Variants in TRABD2B observed in about 807,000 individuals in gnomAD.
TRABD2B encodes metalloprotease TIKI2.
A neutral mutation model predicts 40.1 loss-of-function variants in TRABD2B; 14 were observed. That is an observed-to-expected ratio of 0.35 (90% CI 0.23 to 0.55). TRABD2B has a LOEUF of 0.55. Among genes scored for constraint, TRABD2B ranks in the 20% least tolerant of loss-of-function variants. The probability of loss-of-function intolerance (pLI) is 0.90; values close to 1 mark genes in which losing one functional copy is unlikely to be tolerated. For synonymous variants in TRABD2B, 263 were observed against 277.0 expected (o/e 0.95, Z 0.50); for missense variants, 541 against 648.6 (o/e 0.83, Z 1.80).
At chr1:47,870,604 G>A (rs1041227854) in intron 2 of TRABD2B, among the ~76,000 whole-genome samples, 2 of 152,186 alleles carry the variant, frequency 1.3e-5, no homozygotes, top group African/African-American at 4.8e-5. Context: ...AAGGAAACAT[G>A]CATTGCCCAC....
intron 2 of TRABD2B, among the ~76,000 whole-genome samples, chr1:47,958,508 G>T (rs1414090784): frequency 7.7e-6 from 1 of 130,000 alleles, no homozygotes; most frequent in Non-Finnish European, 1.7e-5. Flanking sequence ...TAAAGGGATG[G>T]ATGAAGATCT....
intron 2 of TRABD2B, among the ~76,000 whole-genome samples, chr1:47,890,964 C>T (rs1570225329): frequency 6.6e-6 from 1 of 152,292 alleles, no homozygotes; most frequent in East Asian, 1.9e-4. Flanking sequence ...TGCACAACAG[C>T]ACTCGCTGGA....
intron 2 of TRABD2B, among the ~76,000 whole-genome samples, chr1:47,868,838 T>G (rs1049819761): frequency 1.3e-5 from 2 of 152,192 alleles, no homozygotes; most frequent in South Asian, 4.1e-4. Flanking sequence ...AATTTTGAAC[T>G]GTAGACTTCA....
At chr1:47,802,232 G>A (rs929028179) in intron 2 of TRABD2B, among the ~76,000 whole-genome samples, 5 of 152,034 alleles carry the variant, frequency 3.3e-5, no homozygotes, top group Non-Finnish European at 5.9e-5. Context: ...GGATCACTGT[G>A]GGCATCAGGA....
chr1:47,847,099 T>C (rs1454208818), intron 2 of TRABD2B, among the ~76,000 whole-genome samples: 1 of 152,164 alleles, frequency 6.6e-6, no homozygotes, highest in African/African-American at 2.4e-5. Context: ...GGAGAAAGAA[T>C]AAGGGCTTTT....
intron 2 of TRABD2B, among the ~76,000 whole-genome samples, chr1:47,837,766 G>A (rs529751201): frequency 1.1e-3 from 175 of 152,234 alleles, no homozygotes; most frequent in African/African-American, 3.9e-3. Context: ...AAATAAGCAC[G>A]AAAAAAGGAA....
At chr1:47,832,533 A>G (rs2124455373) in intron 2 of TRABD2B, among the ~76,000 whole-genome samples, 1 of 152,276 alleles carries the variant, frequency 6.6e-6, no homozygotes, top group East Asian at 1.9e-4. Context: ...ATAGGTACCA[A>G]AGCATTTACA....
chr1:47,905,658 C>A (rs574687113), intron 2 of TRABD2B, among the ~76,000 whole-genome samples: 7 of 152,342 alleles, frequency 4.6e-5, no homozygotes, highest in African/African-American at 7.2e-5. Context: ...TCTTGACATT[C>A]TCCTTTTCTC....
At chr1:47,794,495 G>C (rs1415311416) in intron 4 of TRABD2B, 91 bp downstream of exon 4, 3 of 1,369,462 alleles carry the variant, frequency 2.2e-6, no homozygotes, top group Non-Finnish European at 2.9e-6. Flanking sequence ...CCTGGGCCTC[G>C]ACTTCTCCCT....
At chr1:47,931,086 C>T (rs948798093) in intron 2 of TRABD2B, among the ~76,000 whole-genome samples, 2 of 152,198 alleles carry the variant, frequency 1.3e-5, no homozygotes, top group African/African-American at 4.8e-5. Flanking sequence ...GCTCTATCCC[C>T]AGCACCTAAA....
intron 6 of TRABD2B, among the ~76,000 whole-genome samples, chr1:47,771,035 T>G (rs1164147295): frequency 6.6e-6 from 1 of 152,244 alleles, no homozygotes; most frequent in Non-Finnish European, 1.5e-5. Flanking sequence ...ATTCATTGGA[T>G]GATCCTGCTT....
Position 47,760,877 on chromosome 1 carries a change from G to C in TRABD2B, c.*5025C>G, listed in dbSNP as rs1426566395. Reference sequence around the variant, plus strand: ...GACCCAAGATGTCTGAGAGCCCTTTGTCCCTGGCAGCTCACCGGAAACATC... The same window carrying C: ...GACCCAAGATGTCTGAGAGCCCTTTCTCCCTGGCAGCTCACCGGAAACATC... On this transcript the variant is annotated 3_prime_UTR_variant, in exon 7 of 7. Transcript: ENST00000606738. 2 of 152,224 alleles carry C rather than the reference G, an allele frequency of 1.3e-5. No individual in the cohort carries two copies. The highest frequency in any genetic ancestry group is 4.8e-5 in the African/African-American group (2 of 41,442). 9.4% of individuals were successfully genotyped at this position (152,224 alleles called of 1,614,324 possible).
At chr1:47,991,564 C>G (rs896862348) in intron 2 of TRABD2B, among the ~76,000 whole-genome samples, 27 of 151,946 alleles carry the variant, frequency 1.8e-4, no homozygotes, top group Non-Finnish European at 1.0e-4. Context: ...TTCCAGGGTT[C>G]CAAAACTTAA....
chr1:47,787,050 C>T (rs1227563857), intron 4 of TRABD2B, among the ~76,000 whole-genome samples: 2 of 152,216 alleles, frequency 1.3e-5, no homozygotes, highest in Admixed American at 6.5e-5. Flanking sequence ...GGACGATGGC[C>T]GCTCTTCTGT....
chr1:47,774,568 A>C (rs1483918792), intron 6 of TRABD2B, among the ~76,000 whole-genome samples: 1 of 152,172 alleles, frequency 6.6e-6, no homozygotes, highest in African/African-American at 2.4e-5. Context: ...AGGTGGCAGG[A>C]GGGGCATATA....
At chr1:47,806,100 G>A (rs1009505067) in intron 2 of TRABD2B, among the ~76,000 whole-genome samples, 3 of 152,232 alleles carry the variant, frequency 2.0e-5, no homozygotes, top group Non-Finnish European at 2.9e-5. Context: ...CACCGGACCA[G>A]GTTCTCACAA....
intron 2 of TRABD2B, among the ~76,000 whole-genome samples, chr1:47,829,598 ACTC>A (rs986083972): frequency 6.7e-5 from 10 of 149,802 alleles, no homozygotes; most frequent in Admixed American, 1.3e-4. Flanking sequence ...TCAACCCAGA[ACTC>A]CTCTCTGTCG....
At chr1:47,897,523 A>G (rs1472035494) in intron 2 of TRABD2B, among the ~76,000 whole-genome samples, 2 of 152,190 alleles carry the variant, frequency 1.3e-5, no homozygotes, top group Non-Finnish European at 2.9e-5. Context: ...AAGATGGAAG[A>G]TTTTTGATGT....
chr1:47,984,956 A>T (rs897515275), intron 2 of TRABD2B, among the ~76,000 whole-genome samples: 3 of 152,266 alleles, frequency 2.0e-5, no homozygotes, highest in African/African-American at 7.2e-5. Context: ...AGTAGGAACT[A>T]ACAAACATTT....
Sources: allele counts gnomAD v4.1 joint callset (sites outside exome capture counted in the v4.1 genomes callset), GRCh38; gene constraint gnomAD v4.1.1; transcripts MANE v1.5; gene names NCBI Gene and HGNC (gene_info 2026-07-23, HGNC 2026-07-21).